The following RYR1 variants were observed in gnomAD, a reference collection of about 807,000 sequenced individuals.
RYR1 encodes the protein ryanodine receptor 1.
RYR1 carries 342 observed loss-of-function variants against 583.5 expected under a neutral mutation model. The observed-to-expected ratio is 0.59, with a 90% confidence interval of 0.54 to 0.64. The LOEUF is 0.64. RYR1 is among the 30% of genes least tolerant of loss of function. The pLI, the probability that RYR1 is intolerant of heterozygous loss-of-function variation, is 0.00. For synonymous variants in RYR1, 2,791 were observed against 2,822.5 expected, an observed-to-expected ratio of 0.99 and a Z score of 0.35; for missense variants, 6,032 against 6,917.2, an observed-to-expected ratio of 0.87 and a Z score of 4.54.
At chr19:38,470,328 C>T (rs751458051) in intron 27 of RYR1, among the ~76,000 whole-genome samples, 2 of 151,246 alleles carry the variant, frequency 1.3e-5, no homozygotes, top group African/African-American at 2.4e-5. Flanking sequence ...GTCCCAGCCA[C>T]TCGGCAAACT....
At chr19:38,513,795 G>A (rs1449556973) in intron 63 of RYR1, among the ~76,000 whole-genome samples, 1 of 152,040 alleles carries the variant, frequency 6.6e-6, no homozygotes, top group Non-Finnish European at 1.5e-5. Context: ...TCACTGTATG[G>A]TTGAAAGTAT....
chr19:38,437,136 C>T (rs772036096), intron 1 of RYR1, among the ~76,000 whole-genome samples: 4 of 151,734 alleles, frequency 2.6e-5, no homozygotes, highest in East Asian at 1.9e-4. Flanking sequence ...CTGCAACCTC[C>T]GCCTCCTGGG....
Position 38,543,128 on chromosome 19 carries a change from C to T in RYR1, c.11690-219C>T, listed in dbSNP as rs1228162800. On this transcript the variant is annotated intron_variant, in intron 84 of 105. Coordinates refer to ENST00000359596, the MANE Select transcript of RYR1 (RefSeq NM_000540.3). This position sits in a 1 kb window ranked among gnomAD's most constrained non-coding sequence, Gnocchi z 4.4. ...AAGTGCTGGAATTACAGGCGTGAGC[C>T]ACCCGGCCAGTATTTTTAGACAAAT... is the stretch of plus-strand genomic sequence containing the variant. Among the ~76,000 whole-genome samples the T allele has an allele frequency of 6.6e-6, 1 of 152,218 alleles. No homozygotes were observed. Among genetic ancestry groups the T allele is most frequent in the Non-Finnish European group, 1.5e-5 (1 of 68,046 alleles).
intron 89 of RYR1, among the ~76,000 whole-genome samples, chr19:38,555,640 C>T (rs923801617): frequency 3.3e-5 from 5 of 152,142 alleles, no homozygotes; most frequent in African/African-American, 9.6e-5. Context: ...TTCCAAATCT[C>T]ATAACTTTCA....
intron 67 of RYR1, among the ~76,000 whole-genome samples, chr19:38,520,996 C>T (rs984477559): frequency 1.1e-4 from 17 of 151,938 alleles, no homozygotes; most frequent in African/African-American, 3.4e-4. Flanking sequence ...AGTTTGGGGC[C>T]GGGTGCAGTG....
At chr19:38,503,040 C>T in intron 49 of RYR1, 70 bp downstream of exon 49, 4 of 1,481,754 alleles carry the variant, frequency 2.7e-6, no homozygotes, top group South Asian at 1.1e-5. Context: ...CCTCCTACTG[C>T]GGGGCTCATT....
intron 13 of RYR1, 127 bp downstream of exon 13, chr19:38,453,141 C>G (rs1184291886): frequency 3.0e-5 from 21 of 688,580 alleles, no homozygotes; most frequent in South Asian, 1.4e-4. Flanking sequence ...GAGAAGGGGG[C>G]GGGGCAGGAG....
In RYR1 at chr19:38,572,047, A is replaced by G; in HGVS notation, c.13775A>G (p.Asp4592Gly). ...KVSDSPPGED[D>G]MEGSAAGDVS... The stretch of plus-strand genomic sequence containing the variant: ...TCAGACTCTCCACCAGGGGAGGACG[A>G]CATGGAAGGCTCAGCTGCTGGGGAT... Residue 4592 changes from aspartate to glycine, a missense_variant, in exon 95 of 106, where the codon GAC becomes GGC. Asp to Gly is a moderately conservative substitution (Grantham distance 94). This residue lies in a region of RYR1 where 35 missense variants were observed against 66.0 expected (regional missense o/e 0.53). Coordinates refer to ENST00000359596, the MANE Select transcript of RYR1 (RefSeq NM_000540.3). 1 of 1,614,104 alleles carries G rather than the reference A, an allele frequency of 6.2e-7. No homozygotes were observed.
intron 70 of RYR1, among the ~76,000 whole-genome samples, chr19:38,525,089 T>C (rs1334450560): frequency 1.5e-4 from 23 of 152,128 alleles, no homozygotes; most frequent in Non-Finnish European, 3.1e-4. Context: ...AAAATAAATT[T>C]GTTTAAAAAA....
intron 35 of RYR1, among the ~76,000 whole-genome samples, chr19:38,489,668 A>G (rs1459107256): frequency 6.6e-6 from 1 of 152,176 alleles, no homozygotes; most frequent in Non-Finnish European, 1.5e-5. Flanking sequence ...TTGCTCTGTC[A>G]CCCAGGCTGG....
chr19:38,521,941 C>T (rs1226274829), intron 67 of RYR1, among the ~76,000 whole-genome samples: 1 of 151,862 alleles, frequency 6.6e-6, no homozygotes, highest in Non-Finnish European at 1.5e-5. Context: ...ATCTCCTGAC[C>T]TCGTGATCTG....
rs2145602579 is a variant in RYR1, at chr19:38,500,049, G to C, written c.7323+33G>C. The C allele has an allele frequency of 1.3e-6, 2 of 1,599,094 alleles. No individual in the cohort carries two copies. The highest frequency in any genetic ancestry group is 2.2e-5 in the South Asian group (2 of 90,742). On this transcript the variant is annotated intron_variant, in intron 45 of 105. Transcript: ENST00000359596. The surrounding 1 kb of genome is among the most constrained non-coding windows in gnomAD (Gnocchi z 5.9). ...CCTGAGCCAGGGCAGGATGGGAAGG[G>C]AGGGCAGGCACAGCCGCTTTGAACG...
chr19:38,573,124 A>G (rs887330069), intron 95 of RYR1, 53 bp from the exon 96 acceptor site: 24 of 1,609,682 alleles, frequency 1.5e-5, no homozygotes, highest in Non-Finnish European at 2.0e-5. Context: ...TGCTGAGACT[A>G]TGGTCCAGCC....
rs1974420783 is a variant in RYR1, at chr19:38,585,233, C to T, written c.14803+134C>T. Reference sequence around the variant, plus strand: ...CGCTACTGTGAGACCTTGGGCAAGTCACCTCTCGGGGCCTCCGTTTCTCCA... The same window carrying T: ...CGCTACTGTGAGACCTTGGGCAAGTTACCTCTCGGGGCCTCCGTTTCTCCA... On this transcript the variant is annotated intron_variant, in intron 102 of 105. Coordinates refer to ENST00000359596, the MANE Select transcript of RYR1 (RefSeq NM_000540.3). 5 of 1,090,770 alleles carry T rather than the reference C, an allele frequency of 4.6e-6. No individual in the cohort carries two copies. In the Admixed American group the frequency reaches 8.0e-5, roughly 17 times the overall value. 67.6% of individuals were successfully genotyped at this position (1,090,770 alleles called of 1,614,324 possible).
At chr19:38,534,690 T>G in intron 78 of RYR1, 30 bp from the exon 79 acceptor site, 1 of 1,597,972 alleles carries the variant, frequency 6.3e-7, no homozygotes, top group Non-Finnish European at 8.6e-7. Flanking sequence ...AAGCCTGGAC[T>G]TGCCTTCATG....
chr19:38,536,669 TTG>T, intron 82 of RYR1, 79 bp from the exon 83 acceptor site: 1 of 1,500,212 alleles, frequency 6.7e-7, no homozygotes, highest in Non-Finnish European at 9.3e-7. Context: ...CTGACTGTCA[TTG>T]TGTGTGTTTG....
rs377664365 is a variant in RYR1, at chr19:38,483,430, G to A, written c.4848G>A (p.Thr1616=). Residue 1616 remains threonine (T), a synonymous_variant, in exon 33 of 106, where the codon ACG becomes ACA. Coordinates refer to ENST00000359596, the MANE Select transcript of RYR1 (RefSeq NM_000540.3). The surrounding 1 kb of genome is among the most constrained non-coding windows in gnomAD (Gnocchi z 6.3). ...RMPNHFLQVE[T]RRAGERLGWA... is the part of the protein sequence containing the mutation. ...CCAACCACTTCCTGCAGGTGGAGAC[G>A]AGGCGTGCCGGCGAGCGGCTGGGCT... The A allele has an allele frequency of 9.5e-5, 150 of 1,577,028 alleles. No homozygotes were observed. The highest frequency in any genetic ancestry group is 1.2e-4 in the Non-Finnish European group (142 of 1,163,556).
intron 93 of RYR1, among the ~76,000 whole-genome samples, chr19:38,569,167 C>T (rs557673778): frequency 6.6e-6 from 1 of 152,100 alleles, no homozygotes; most frequent in African/African-American, 2.4e-5. Flanking sequence ...CCCGCCGCCA[C>T]GCCTGGCTAA....
At position 38,473,759 on chromosome 19, in the gene RYR1, AC is replaced by A; in HGVS notation, c.4149del (p.Asn1383LysfsTer15). 6.5e-7 allele frequency: 1 copy of A among 1,531,322 alleles called. No individual in the cohort carries two copies. Among genetic ancestry groups the A allele is most frequent in the Non-Finnish European group, 8.8e-7 (1 of 1,137,656 alleles). 94.9% of individuals were successfully genotyped at this position (1,531,322 alleles called of 1,614,324 possible). A position where few individuals can be genotyped will look rare whatever the true frequency, so the allele number is the denominator to read the frequency against. ...ENEKDATTEK[N>X]KKRGFLFKAK... ...GAGAAGGATGCCACCACCGAGAAGAACAAGAAGAGAGGGTGAGTCGAGGGGG... is the reference window on the plus strand; with the variant it reads ...GAGAAGGATGCCACCACCGAGAAGAAAAGAAGAGAGGGTGAGTCGAGGGGG... On this transcript the variant is annotated frameshift_variant, in exon 28 of 106. Transcript: ENST00000359596. LOFTEE classifies it high-confidence loss of function.
Sources: gnomAD v4.1 joint callset for allele counts (sites outside exome capture counted in the v4.1 genomes callset) on GRCh38, gnomAD v4.1.1 for gene constraint, gnomAD v4.1.1 regional missense constraint, Gnocchi (gnomAD v3.1) non-coding constraint, MANE v1.5 for transcripts, NCBI Gene and HGNC (gene_info 2026-07-23, HGNC 2026-07-21) for gene names.